PARD3B: variants seen among roughly 807,000 people sequenced by gnomAD.
PARD3B encodes partitioning defective 3 homolog B.
In PARD3B, 103 loss-of-function variants were observed where a neutral mutation model predicts 130.2. That is an observed-to-expected ratio of 0.79 (90% confidence interval 0.67 to 0.93). The LOEUF is 0.93. Among genes scored for constraint, PARD3B ranks in the 40% least tolerant of loss-of-function variants. The pLI, the probability that PARD3B is intolerant of heterozygous loss-of-function variation, is 0.00. For synonymous variants in PARD3B, 583 were observed against 553.2 expected (o/e 1.05, Z -0.76); for missense variants, 1,609 against 1,499.2 (o/e 1.07, Z -1.21).
At chr2:204,909,011 G>A (rs2047136676) in intron 2 of PARD3B, among the ~76,000 whole-genome samples, 1 of 152,066 alleles carries the variant, frequency 6.6e-6, no homozygotes, top group African/African-American at 2.4e-5. Flanking sequence ...GTGTCCTTCA[G>A]CAGAATTGCT....
intron 22 of PARD3B, among the ~76,000 whole-genome samples, chr2:205,610,490 C>T (rs867207678): frequency 6.6e-5 from 10 of 152,246 alleles, no homozygotes; most frequent in African/African-American, 2.4e-4. Flanking sequence ...TAGCCTGTAC[C>T]TAGTAAGCCC....
chr2:205,047,813 G>A (rs1698907261), intron 4 of PARD3B, 123 bp downstream of exon 4: 1 of 639,830 alleles, frequency 1.6e-6, no homozygotes, highest in South Asian at 2.2e-5. Context: ...AGTATATATA[G>A]TATTAGTTAT....
rs1293489398 is a variant in PARD3B at position 204,943,496 on chromosome 2, C to T, written c.223-21656C>T. ...CAAGCAGAACATCTGGTTTACTGCCCCTTGCCCAGTGGTTATATGTGTGCC... is the reference window on the plus strand; with the variant it reads ...CAAGCAGAACATCTGGTTTACTGCCTCTTGCCCAGTGGTTATATGTGTGCC... On this transcript the variant is annotated intron_variant, in intron 2 of 22. Coordinates refer to ENST00000406610, the MANE Select transcript of PARD3B (RefSeq NM_001302769.2). This position sits in a 1 kb window ranked among gnomAD's most constrained non-coding sequence, Gnocchi z 4.2. Among the ~76,000 whole-genome samples the T allele has an allele frequency of 6.6e-6, 1 of 152,032 alleles. No homozygotes were observed. The highest frequency in any genetic ancestry group is 2.4e-5 in the African/African-American group (1 of 41,394).
chr2:205,366,808 C>A lies in PARD3B; in HGVS notation c.2631-34205C>A, dbSNP rs372727492. ...GGGGGCATTTTAGGTGGCCTCCAGG[C>A]CATGTGCCTTCCCACTAATAACTGG... On this transcript the variant is annotated intron_variant, in intron 18 of 22. Transcript: ENST00000406610. The surrounding 1 kb of genome is among the most constrained non-coding windows in gnomAD (Gnocchi z 5.0). Among the ~76,000 whole-genome samples, 2 of 152,214 alleles carry A rather than the reference C, an allele frequency of 1.3e-5. No homozygotes were observed. Among genetic ancestry groups the A allele is most frequent in the East Asian group, 3.8e-4 (2 of 5,200 alleles).
intron 16 of PARD3B, among the ~76,000 whole-genome samples, chr2:205,271,128 A>G (rs1454173894): frequency 6.6e-6 from 1 of 152,202 alleles, no homozygotes; most frequent in Non-Finnish European, 1.5e-5. Context: ...TGTACCTTAA[A>G]TAATCACTTG....
At chr2:205,444,238 C>T (rs922577282) in intron 20 of PARD3B, among the ~76,000 whole-genome samples, 3 of 152,080 alleles carry the variant, frequency 2.0e-5, no homozygotes, top group African/African-American at 7.2e-5. Flanking sequence ...CCCCCTTGGC[C>T]TCCCAAAATG....
In PARD3B at chr2:204,877,362, G is replaced by A. The variant is rs561588588; in HGVS notation, c.223-87790G>A. Among the ~76,000 whole-genome samples the A allele has an allele frequency of 1.7e-3, 261 of 152,000 alleles. 2 individuals carry two copies. Among genetic ancestry groups the A allele is most frequent in the African/African-American group, 5.9e-3 (246 of 41,450 alleles). On this transcript the variant is annotated intron_variant, in intron 2 of 22. Coordinates refer to ENST00000406610, the MANE Select transcript of PARD3B (RefSeq NM_001302769.2). ...GTATACATATGTAACAAACCTGCACGTTGTGCACATATACCCTAGAACTTA... is the reference window on the plus strand; with the variant it reads ...GTATACATATGTAACAAACCTGCACATTGTGCACATATACCCTAGAACTTA...
At chr2:204,883,191 C>T (rs371119985) in intron 2 of PARD3B, among the ~76,000 whole-genome samples, 37 of 151,632 alleles carry the variant, frequency 2.4e-4, no homozygotes, top group East Asian at 1.8e-3. Flanking sequence ...AAATCATCAT[C>T]GACACCATCC....
intron 1 of PARD3B, among the ~76,000 whole-genome samples, chr2:204,639,793 A>C (rs544165012): frequency 9.2e-5 from 14 of 152,310 alleles, no homozygotes; most frequent in African/African-American, 2.6e-4. Flanking sequence ...ACTTTTTAAA[A>C]GATACATCCT....
chr2:204,964,338 T>C (rs1208343300), intron 2 of PARD3B, among the ~76,000 whole-genome samples: 1 of 152,214 alleles, frequency 6.6e-6, no homozygotes, highest in Non-Finnish European at 1.5e-5. Context: ...TATACAGTAG[T>C]GTCTGTGTGA....
At chr2:204,848,331 GA>G (rs2044552581) in intron 2 of PARD3B, among the ~76,000 whole-genome samples, 1 of 152,128 alleles carries the variant, frequency 6.6e-6, no homozygotes, top group Non-Finnish European at 1.5e-5. Context: ...TCTGTTTTTA[GA>G]AGTTAGTAAG....
chr2:204,811,120 GA>G (rs2125523225), intron 2 of PARD3B, among the ~76,000 whole-genome samples: 1 of 152,128 alleles, frequency 6.6e-6, no homozygotes, highest in South Asian at 2.1e-4. Flanking sequence ...GGTGGTCTCT[GA>G]TAGCTGTTTT....
chr2:205,611,855 AAAT>A (rs2055242267), intron 22 of PARD3B, among the ~76,000 whole-genome samples: 1 of 152,222 alleles, frequency 6.6e-6, no homozygotes, highest in African/African-American at 2.4e-5. Flanking sequence ...GTCACATGAA[AAAT>A]GAAAGGTCTT....
Position 205,219,651 on chromosome 2 carries a change from C to T in PARD3B, c.2141-26127C>T, listed in dbSNP as rs150652030. Among the ~76,000 whole-genome samples the T allele has an allele frequency of 8.8e-4, 134 of 152,230 alleles. 1 individual carries two copies. The East Asian group carries it at 9.1e-3, about 10-fold the overall frequency. ...AACCAGGTGCCAAAATTAATTCATGCAAGAATAAAATGGGTTGGCACCTTA... is the reference window on the plus strand; with the variant it reads ...AACCAGGTGCCAAAATTAATTCATGTAAGAATAAAATGGGTTGGCACCTTA... On this transcript the variant is annotated intron_variant, in intron 15 of 22. Coordinates refer to ENST00000406610, the MANE Select transcript of PARD3B (RefSeq NM_001302769.2).
chr2:205,440,496 G>T lies in PARD3B; in HGVS notation c.2868G>T (p.Val956=). ...AAATGGACCCCAATTATGCCAGAGTGAACCACTTTCGGGAACCATGCACAT... is the reference window on the plus strand; with the variant it reads ...AAATGGACCCCAATTATGCCAGAGTTAACCACTTTCGGGAACCATGCACAT... ...DDEMDPNYAR[V]NHFREPCTSA... Residue 956 remains valine, a synonymous_variant, in exon 20 of 23, where the codon GTG becomes GTT. Transcript: ENST00000406610. The surrounding 1 kb of genome is among the most constrained non-coding windows in gnomAD (Gnocchi z 4.2). 6.2e-7 allele frequency: 1 copy of T among 1,614,036 alleles called. No individual in the cohort carries two copies. Among genetic ancestry groups the T allele is most frequent in the Non-Finnish European group, 8.5e-7 (1 of 1,179,984 alleles).
intron 20 of PARD3B, among the ~76,000 whole-genome samples, chr2:205,493,582 C>A (rs1249194186): frequency 1.3e-5 from 2 of 152,026 alleles, no homozygotes; most frequent in Admixed American, 1.3e-4. Context: ...AAAACACTCC[C>A]TATCCTACTC....
chr2:204,843,521 C>G (rs1275180386), intron 2 of PARD3B, among the ~76,000 whole-genome samples: 1 of 151,994 alleles, frequency 6.6e-6, no homozygotes, highest in African/African-American at 2.4e-5. Flanking sequence ...TCTTGAGTAG[C>G]TGGGACTACA....
At chr2:204,963,664 G>T (rs2125851207) in intron 2 of PARD3B, among the ~76,000 whole-genome samples, 1 of 152,138 alleles carries the variant, frequency 6.6e-6, no homozygotes, top group East Asian at 1.9e-4. Context: ...AACTCATTCT[G>T]GCTGGATGAT....
intron 13 of PARD3B, among the ~76,000 whole-genome samples, chr2:205,185,353 CT>C (rs1487959398): frequency 6.6e-6 from 1 of 152,126 alleles, no homozygotes. Flanking sequence ...GTTTTTGCTA[CT>C]GAAGCAAATG....
Sources: gnomAD v4.1 joint callset for allele counts (sites outside exome capture counted in the v4.1 genomes callset) on GRCh38, gnomAD v4.1.1 for gene constraint, Gnocchi (gnomAD v3.1) non-coding constraint, MANE v1.5 for transcripts, NCBI Gene and HGNC (gene_info 2026-07-23, HGNC 2026-07-21) for gene names.